The following DLGAP2 variants were observed in gnomAD, a reference collection of about 807,000 sequenced individuals.
DLGAP2 encodes disks large-associated protein 2.
In DLGAP2, 26 loss-of-function variants were observed where a neutral mutation model predicts 100.3. The ratio of observed to expected loss-of-function variants is 0.26; its 90% confidence interval spans 0.19 to 0.36. The LOEUF (loss-of-function observed/expected upper bound fraction) is 0.36. Among genes scored for constraint, DLGAP2 ranks in the 10% least tolerant of loss-of-function variants. The probability of loss-of-function intolerance (pLI) is 1.00; values close to 1 mark genes in which losing one functional copy is unlikely to be tolerated. For synonymous variants in DLGAP2, 886 were observed against 630.1 expected (o/e 1.41, Z -6.08); for missense variants, 1,858 against 1,453.2 (o/e 1.28, Z -4.53).
At chr8:1,439,176 A>C (rs1277731965) in intron 3 of DLGAP2, among the ~76,000 whole-genome samples, 1 of 152,146 alleles carries the variant, frequency 6.6e-6, no homozygotes, top group Admixed American at 6.5e-5. Flanking sequence ...AAGAGAATGA[A>C]TGAAAAGCAT....
At chr8:1,559,156 A>G (rs1199902586) in intron 5 of DLGAP2, among the ~76,000 whole-genome samples, 2 of 152,208 alleles carry the variant, frequency 1.3e-5, no homozygotes, top group African/African-American at 2.4e-5. Context: ...AATTATGAAC[A>G]TCACCCATCA....
intron 3 of DLGAP2, among the ~76,000 whole-genome samples, chr8:1,305,945 G>C (rs1207550088): frequency 6.6e-6 from 1 of 152,036 alleles, no homozygotes; most frequent in Non-Finnish European, 1.5e-5. Flanking sequence ...CATTCTGATA[G>C]TATAGGGAAC....
chr8:1,094,077 G>T (rs569144518), intron 2 of DLGAP2, among the ~76,000 whole-genome samples: 16 of 152,030 alleles, frequency 1.1e-4, no homozygotes, highest in African/African-American at 3.6e-4. Context: ...GCTGCGAGGT[G>T]GGCGGAGGGC....
chr8:1,266,238 A>G (rs966377194), intron 3 of DLGAP2, among the ~76,000 whole-genome samples: 2 of 152,164 alleles, frequency 1.3e-5, no homozygotes, highest in Non-Finnish European at 2.9e-5. Flanking sequence ...TTTTTGCTTG[A>G]CTTCAGTCCC....
intron 3 of DLGAP2, among the ~76,000 whole-genome samples, chr8:1,422,595 CAG>C (rs999613662): frequency 2.7e-5 from 4 of 148,338 alleles, no homozygotes; most frequent in Non-Finnish European, 4.5e-5. Context: ...GTGGAACAGA[CAG>C]GGTGGATGCA....
chr8:1,596,584 A>G (rs2130690300), intron 6 of DLGAP2, among the ~76,000 whole-genome samples: 1 of 152,310 alleles, frequency 6.6e-6, no homozygotes, highest in South Asian at 2.1e-4. Flanking sequence ...ATCAGATGGT[A>G]TCTCATTATG....
At chr8:1,370,426 C>A (rs1802209762) in intron 3 of DLGAP2, among the ~76,000 whole-genome samples, 1 of 152,158 alleles carries the variant, frequency 6.6e-6, no homozygotes, top group African/African-American at 2.4e-5. Flanking sequence ...TTCATGCTTT[C>A]AAAATAGTGA....
chr8:1,087,705 A>G (rs529637355), intron 2 of DLGAP2, among the ~76,000 whole-genome samples: 6 of 152,192 alleles, frequency 3.9e-5, no homozygotes, highest in African/African-American at 1.4e-4. Context: ...CCAAATTGTC[A>G]GAGCCTCCTT....
chr8:1,669,767 C>G lies in DLGAP2; in HGVS notation c.2185C>G (p.Pro729Ala). ...IQDSEFPEHQ[P>A]YPRSDVETAT... ...GGATTCTGAATTCCCAGAGCATCAG[C>G]CATACCCAAGGTCAGATGTAAGTAC... Residue 729 changes from proline (P) to alanine (A), a missense_variant, in exon 10 of 15, where the codon CCA becomes GCA. Coordinates refer to ENST00000637795, the MANE Select transcript of DLGAP2 (RefSeq NM_001346810.2). 1.3e-6 allele frequency: 1 copy of G among 780,946 alleles called. No homozygotes were observed. The highest frequency in any genetic ancestry group is 2.4e-5 in the East Asian group (1 of 41,240). 48.4% of individuals were successfully genotyped at this position (780,946 alleles called of 1,614,324 possible).
chr8:1,661,490 C>T (rs957041501), intron 8 of DLGAP2, among the ~76,000 whole-genome samples: 4 of 152,206 alleles, frequency 2.6e-5, no homozygotes, highest in African/African-American at 4.8e-5. Flanking sequence ...CAGGAAAGGA[C>T]ATGGGAGATC....
intron 10 of DLGAP2, among the ~76,000 whole-genome samples, chr8:1,670,415 C>G (rs1585049057): frequency 2.0e-5 from 3 of 152,312 alleles, no homozygotes; most frequent in African/African-American, 7.2e-5. Context: ...TTCTCCTCAT[C>G]CCCCCAGCTT....
chr8:822,054 T>C (rs987127552), intron 1 of DLGAP2: 8 of 398,830 alleles, frequency 2.0e-5, no homozygotes, highest in African/African-American at 1.6e-4. Flanking sequence ...TTACCCTTTT[T>C]ATCACATTTT....
At chr8:1,324,220 C>T (rs1312873017) in intron 3 of DLGAP2, among the ~76,000 whole-genome samples, 1 of 152,328 alleles carries the variant, frequency 6.6e-6, no homozygotes, top group East Asian at 1.9e-4. Flanking sequence ...TTAGGACAAA[C>T]CACTGTCTCT....
At chr8:1,527,345 C>T (rs556868949) in intron 4 of DLGAP2, among the ~76,000 whole-genome samples, 2 of 152,378 alleles carry the variant, frequency 1.3e-5, no homozygotes, top group South Asian at 4.1e-4. Context: ...CCGGGAGGGG[C>T]CACCTGGCAC....
At chr8:1,229,604 A>T (rs1798492111) in intron 2 of DLGAP2, among the ~76,000 whole-genome samples, 1 of 152,116 alleles carries the variant, frequency 6.6e-6, no homozygotes, top group African/African-American at 2.4e-5. Context: ...TTATTGATGA[A>T]CACAGATGCA....
At chr8:1,054,927 C>T (rs1802832120) in intron 2 of DLGAP2, among the ~76,000 whole-genome samples, 1 of 152,342 alleles carries the variant, frequency 6.6e-6, no homozygotes, top group African/African-American at 2.4e-5. Context: ...TAATAACAGC[C>T]TTCATAGACA....
intron 5 of DLGAP2, among the ~76,000 whole-genome samples, chr8:1,550,619 G>C (rs1801732915): frequency 6.6e-6 from 1 of 152,160 alleles, no homozygotes; most frequent in Non-Finnish European, 1.5e-5. Context: ...CCTGATTATG[G>C]AAAAGGCCTC....
rs4548203 is a variant in DLGAP2, at chr8:1,180,507, G to T, written c.74-78344G>T. On this transcript the variant is annotated intron_variant, in intron 2 of 14. Coordinates refer to ENST00000637795, the MANE Select transcript of DLGAP2 (RefSeq NM_001346810.2). ...CCGTGCCCAGCTCTTAGTCTTCTGT[G>T]TTGCATCACCATGGATTATCTGTTG... 8.2e-3 allele frequency among the ~76,000 whole-genome samples: 1,245 copies of T among 152,194 alleles called. 19 individuals are homozygous for T. Among genetic ancestry groups the T allele is most frequent in the African/African-American group, 0.028 (1,168 of 41,528 alleles).
At chr8:1,409,301 A>T (rs1017565693) in intron 3 of DLGAP2, among the ~76,000 whole-genome samples, 2 of 97,592 alleles carry the variant, frequency 2.0e-5, no homozygotes, top group African/African-American at 8.1e-5. Context: ...ACTGGAACCA[A>T]CCAGTTCCTT....
Sources: gnomAD v4.1 joint callset for allele counts (sites outside exome capture counted in the v4.1 genomes callset) on GRCh38, gnomAD v4.1.1 for gene constraint, MANE v1.5 for transcripts, NCBI Gene and HGNC (gene_info 2026-07-23, HGNC 2026-07-21) for gene names.